The following EYS variants were observed in gnomAD, a reference collection of about 807,000 sequenced individuals.
EYS encodes the protein protein eyes shut homolog.
In EYS, 250 loss-of-function variants were observed where a neutral mutation model predicts 282.1. The observed-to-expected ratio is 0.89, with a 90% CI of 0.80 to 0.98. The LOEUF is 0.98. Ranked by LOEUF, EYS falls within the 50% of genes least tolerant of loss-of-function variation. The pLI is 0.00. For missense variants in EYS, 4,016 were observed against 3,709.0 expected, an observed-to-expected ratio of 1.08 and a Z score of -2.15; for synonymous variants, 1,355 against 1,282.9, an observed-to-expected ratio of 1.06 and a Z score of -1.20.
intron 36 of EYS, among the ~76,000 whole-genome samples, chr6:63,849,531 C>G (rs145839578): frequency 1.3e-5 from 2 of 152,188 alleles, no homozygotes; most frequent in East Asian, 1.9e-4. Flanking sequence ...CCCATGCAAA[C>G]AGTGTCAGGA....
intron 26 of EYS, among the ~76,000 whole-genome samples, chr6:64,512,834 C>A (rs544398649): frequency 6.6e-6 from 1 of 151,932 alleles, no homozygotes; most frequent in Non-Finnish European, 1.5e-5. Flanking sequence ...TCAGCATTTT[C>A]CAAAGTCAGG....
intron 2 of EYS, among the ~76,000 whole-genome samples, chr6:65,624,678 G>A (rs1330680294): frequency 5.9e-5 from 9 of 152,140 alleles, no homozygotes; most frequent in Admixed American, 5.9e-4. Context: ...AGGTGGAAGA[G>A]CAGACCCGCT....
chr6:65,297,303 C>A (rs1582112669), intron 11 of EYS, among the ~76,000 whole-genome samples: 1 of 151,752 alleles, frequency 6.6e-6, no homozygotes. Flanking sequence ...CTGAGAAAAG[C>A]AATGTCAAAT....
At chr6:65,366,883 A>C in intron 8 of EYS, among the ~76,000 whole-genome samples, 1 of 151,612 alleles carries the variant, frequency 6.6e-6, no homozygotes, top group East Asian at 1.9e-4. Context: ...GCTTTAAAAA[A>C]TAACACTCCA....
At chr6:64,246,864 T>C (rs1295866233) in intron 30 of EYS, among the ~76,000 whole-genome samples, 2 of 152,156 alleles carry the variant, frequency 1.3e-5, no homozygotes, top group Non-Finnish European at 2.9e-5. Context: ...ATGCAAAAAG[T>C]ATGTAGATTT....
chr6:64,236,954 C>T (rs1320932219), intron 30 of EYS, among the ~76,000 whole-genome samples: 1 of 151,846 alleles, frequency 6.6e-6, no homozygotes, highest in African/African-American at 2.4e-5. Context: ...TGACAAAAAT[C>T]TCCCCATTTC....
rs563467209 is a variant in EYS at position 64,092,506 on chromosome 6, T to C, written c.6425-10504A>G. ...TTTGCATTTCTCTGATGGCCAGTGATGATGAGCATTTTTTCATGTGTCTTT... is the reference window on the plus strand; with the variant it reads ...TTTGCATTTCTCTGATGGCCAGTGACGATGAGCATTTTTTCATGTGTCTTT... On this transcript the variant is annotated intron_variant, in intron 31 of 42. Coordinates refer to ENST00000503581, the MANE Select transcript of EYS (RefSeq NM_001142800.2). Among the ~76,000 whole-genome samples the C allele has an allele frequency of 7.2e-3, 1,097 of 152,288 alleles. 21 individuals are homozygous for C. Among genetic ancestry groups the C allele is most frequent in the African/African-American group, 0.024 (1,008 of 41,532 alleles).
At chr6:65,529,367 G>T (rs1767680815) in intron 2 of EYS, among the ~76,000 whole-genome samples, 1 of 152,146 alleles carries the variant, frequency 6.6e-6, no homozygotes, top group Non-Finnish European at 1.5e-5. Flanking sequence ...GGGCTCAGAT[G>T]AATTACCAAA....
At chr6:65,678,375 AT>A (rs1229622366) in intron 1 of EYS, among the ~76,000 whole-genome samples, 1 of 152,016 alleles carries the variant, frequency 6.6e-6, no homozygotes, top group Non-Finnish European at 1.5e-5. Context: ...GAAAAATTGA[AT>A]TTTTTTCACA....
chr6:64,190,997 G>T (rs1765086569), intron 31 of EYS, among the ~76,000 whole-genome samples: 1 of 152,012 alleles, frequency 6.6e-6, no homozygotes, highest in Admixed American at 6.6e-5. Context: ...ACATTTACTG[G>T]CCATTAATTT....
chr6:65,481,200 T>C (rs1765594797), intron 5 of EYS, among the ~76,000 whole-genome samples: 1 of 152,152 alleles, frequency 6.6e-6, no homozygotes, highest in African/African-American at 2.4e-5. Flanking sequence ...ATTGTACAGA[T>C]ATATCAAAAT....
chr6:64,565,719 T>C (rs1199424755), intron 26 of EYS, among the ~76,000 whole-genome samples: 2 of 152,110 alleles, frequency 1.3e-5, no homozygotes, highest in Non-Finnish European at 2.9e-5. Flanking sequence ...GATAATACTG[T>C]ATTGTATACT....
At chr6:64,434,558 G>A (rs897253482) in intron 28 of EYS, among the ~76,000 whole-genome samples, 19 of 152,042 alleles carry the variant, frequency 1.2e-4, no homozygotes, top group Non-Finnish European at 2.1e-4. Flanking sequence ...CCTGGTGGGG[G>A]AAAACAGGAA....
At chr6:64,420,526 A>G (rs998247393) in intron 28 of EYS, among the ~76,000 whole-genome samples, 15 of 152,050 alleles carry the variant, frequency 9.9e-5, no homozygotes, top group Admixed American at 6.6e-5. Context: ...GCTCAACACC[A>G]TATGGAAACT....
At chr6:64,233,230 C>T (rs1766482299) in intron 30 of EYS, among the ~76,000 whole-genome samples, 1 of 152,094 alleles carries the variant, frequency 6.6e-6, no homozygotes, top group East Asian at 1.9e-4. Flanking sequence ...ACATCAGGAT[C>T]ACAAATCAAT....
At chr6:65,327,688 A>C (rs1769662706) in intron 11 of EYS, among the ~76,000 whole-genome samples, 1 of 151,580 alleles carries the variant, frequency 6.6e-6, no homozygotes, top group South Asian at 2.1e-4. Context: ...CCCTAACTCT[A>C]ATATAAAAAG....
At position 65,624,304 on chromosome 6, in the gene EYS, A is replaced by G. The variant is rs144585640; in HGVS notation, c.-333+15474T>C. ...GGCAGTTTTGCCCCCTTAATCTTCA[A>G]TCCCTTGATATTGCACCTATGAATA... On this transcript the variant is annotated intron_variant, in intron 2 of 42. Coordinates refer to ENST00000503581, the MANE Select transcript of EYS (RefSeq NM_001142800.2). Among the ~76,000 whole-genome samples, 18 of 152,300 alleles carry G rather than the reference A, an allele frequency of 1.2e-4. No homozygotes were observed. The East Asian group carries it at 1.5e-3, about 13-fold the overall frequency.
intron 41 of EYS, among the ~76,000 whole-genome samples, chr6:63,759,529 G>C (rs552147964): frequency 6.6e-6 from 1 of 152,194 alleles, no homozygotes; most frequent in South Asian, 2.1e-4. Context: ...CAAGTAAAAT[G>C]TGTGTTCCTA....
chr6:64,186,680 A>C (rs112094592), intron 31 of EYS, among the ~76,000 whole-genome samples: 4,124 of 152,248 alleles, frequency 0.027, 60 homozygotes, highest in African/African-American at 0.043. Context: ...AAACAGAAGC[A>C]AAGCTGTCTA....
Sources: gnomAD v4.1 joint callset for allele counts (sites outside exome capture counted in the v4.1 genomes callset) on GRCh38, gnomAD v4.1.1 for gene constraint, MANE v1.5 for transcripts, NCBI Gene and HGNC (gene_info 2026-07-23, HGNC 2026-07-21) for gene names.